COG5: variants seen among roughly 807,000 people sequenced by gnomAD.
COG5 encodes component of oligomeric golgi complex 5.
COG5 carries 86 observed loss-of-function variants against 110.4 expected under a neutral mutation model. The observed-to-expected ratio is 0.78, with a 90% CI of 0.65 to 0.93. The LOEUF is 0.93. Among genes scored for constraint, COG5 ranks in the 40% least tolerant of loss-of-function variants. The probability of loss-of-function intolerance (pLI) is 0.00; values close to 1 mark genes in which losing one functional copy is unlikely to be tolerated. For missense variants in COG5, 1,077 were observed against 987.0 expected, an observed-to-expected ratio of 1.09 and a Z score of -1.22; for synonymous variants, 360 against 334.6, an observed-to-expected ratio of 1.08 and a Z score of -0.83.
In COG5 at chr7:107,235,957, C is replaced by A. The variant is rs183883938; in HGVS notation, c.2091+493G>T. On this transcript the variant is annotated intron_variant, in intron 18 of 21. Transcript: ENST00000297135. ...AGGCTAGCCACAGAGAAGAACTGTA[C>A]TCTACCTGATAGAGAGAGAACAAAT... 9.5e-4 allele frequency among the ~76,000 whole-genome samples: 145 copies of A among 152,304 alleles called. 1 individual carries two copies. The highest frequency in any genetic ancestry group is 1.5e-4 in the Non-Finnish European group (10 of 68,018).
intron 21 of COG5, among the ~76,000 whole-genome samples, chr7:107,205,418 G>C (rs1362167142): frequency 6.6e-6 from 1 of 152,150 alleles, no homozygotes; most frequent in East Asian, 1.9e-4. Flanking sequence ...CAAATCATTA[G>C]TTTCCATTTT....
chr7:107,240,058 T>A (rs1298642528), intron 17 of COG5, among the ~76,000 whole-genome samples: 1 of 152,242 alleles, frequency 6.6e-6, no homozygotes, highest in East Asian at 1.9e-4. Context: ...TAATCAGATA[T>A]GAGTCACTTT....
intron 12 of COG5, among the ~76,000 whole-genome samples, chr7:107,297,668 C>T (rs1216216121): frequency 6.6e-6 from 1 of 151,924 alleles, no homozygotes; most frequent in Non-Finnish European, 1.5e-5. Flanking sequence ...AGGCTGGTCT[C>T]GAACTCCTGA....
chr7:107,287,015 C>T (rs74817899), intron 12 of COG5, among the ~76,000 whole-genome samples: 22 of 152,248 alleles, frequency 1.4e-4, no homozygotes, highest in African/African-American at 5.1e-4. Flanking sequence ...ATACGAGAAG[C>T]AGGATTGCTA....
intron 7 of COG5, among the ~76,000 whole-genome samples, chr7:107,376,694 G>A (rs1485578333): frequency 6.6e-6 from 1 of 151,918 alleles, no homozygotes; most frequent in Admixed American, 6.6e-5. Flanking sequence ...GTACTGCACT[G>A]AGTAGAAGAA....
chr7:107,268,183 G>T (rs1008892994), intron 14 of COG5, among the ~76,000 whole-genome samples: 3 of 152,052 alleles, frequency 2.0e-5, no homozygotes, highest in Non-Finnish European at 4.4e-5. Context: ...GGTCAGGCTG[G>T]TCTCAAACTC....
chr7:107,365,933 C>CACTA (rs1562991805), intron 8 of COG5, among the ~76,000 whole-genome samples: 1 of 152,010 alleles, frequency 6.6e-6, no homozygotes, highest in East Asian at 1.9e-4. Context: ...GCCATGCCTA[C>CACTA]ACTATTCTTC....
intron 14 of COG5, among the ~76,000 whole-genome samples, chr7:107,264,668 G>A (rs1209121192): frequency 3.9e-5 from 6 of 152,060 alleles, no homozygotes; most frequent in South Asian, 4.2e-4. Context: ...ACTCCAGCCC[G>A]AGCGACAGAT....
intron 5 of COG5, among the ~76,000 whole-genome samples, chr7:107,540,370 G>C (rs1801886625): frequency 6.6e-6 from 1 of 150,548 alleles, no homozygotes; most frequent in African/African-American, 2.4e-5. Context: ...CCAGGAGTTT[G>C]AAATCAGCCT....
At position 107,467,979 on chromosome 7, in the gene COG5, A is replaced by G. The variant is rs113084681; in HGVS notation, c.539-55347T>C. 5.6e-3 allele frequency among the ~76,000 whole-genome samples: 851 copies of G among 152,322 alleles called. 11 individuals are homozygous for G. Among genetic ancestry groups the G allele is most frequent in the African/African-American group, 0.02 (820 of 41,566 alleles). On this transcript the variant is annotated intron_variant, in intron 6 of 21. Coordinates refer to ENST00000297135, the MANE Select transcript of COG5 (RefSeq NM_006348.5). ...GAAATAATCTGAATATAACTTGAAA[A>G]CACTGTCTCACAAAGAGTTAAACAA...
intron 2 of COG5, among the ~76,000 whole-genome samples, chr7:107,556,782 T>G (rs1381556559): frequency 6.6e-6 from 1 of 152,048 alleles, no homozygotes; most frequent in Non-Finnish European, 1.5e-5. Flanking sequence ...TCTTTTTTTT[T>G]TTTTTGAGAC....
At chr7:107,561,547 C>T (rs1803773333) in intron 1 of COG5, among the ~76,000 whole-genome samples, 2 of 152,190 alleles carry the variant, frequency 1.3e-5, no homozygotes, top group Admixed American at 1.3e-4. Flanking sequence ...AAAAAAGTGT[C>T]CATTTGTCGT....
chr7:107,414,635 CACTG>C (rs996828810), intron 6 of COG5, among the ~76,000 whole-genome samples: 28 of 146,764 alleles, frequency 1.9e-4, no homozygotes, highest in Non-Finnish European at 3.7e-4. Context: ...TCTGGCTTCA[CACTG>C]ACTAACATGT....
intron 17 of COG5, among the ~76,000 whole-genome samples, chr7:107,240,849 A>G (rs2116489919): frequency 6.6e-6 from 1 of 152,354 alleles, no homozygotes; most frequent in African/African-American, 2.4e-5. Context: ...GCAGTGCTCC[A>G]TATGCCTGTA....
chr7:107,295,747 GC>G (rs1410434527), intron 12 of COG5, among the ~76,000 whole-genome samples: 1 of 152,030 alleles, frequency 6.6e-6, no homozygotes, highest in Non-Finnish European at 1.5e-5. Flanking sequence ...AAACACAGTA[GC>G]TTTTTTTACT....
intron 6 of COG5, among the ~76,000 whole-genome samples, chr7:107,484,378 T>A (rs1170414302): frequency 6.6e-6 from 1 of 152,190 alleles, no homozygotes; most frequent in African/African-American, 2.4e-5. Context: ...TTAATTTTTA[T>A]TTTAGGCTCT....
chr7:107,475,197 A>G, intron 6 of COG5: 1 of 1,611,976 alleles, frequency 6.2e-7, no homozygotes, highest in Non-Finnish European at 8.5e-7. Context: ...AGGTCTTGAA[A>G]AGTAAAATGA....
chr7:107,332,600 A>C (rs917893940), intron 10 of COG5, among the ~76,000 whole-genome samples: 1 of 152,172 alleles, frequency 6.6e-6, no homozygotes, highest in Admixed American at 6.5e-5. Flanking sequence ...AGAGGAGTGA[A>C]GTAAACATGG....
intron 6 of COG5, among the ~76,000 whole-genome samples, chr7:107,523,976 T>C (rs977216164): frequency 9.2e-5 from 14 of 152,168 alleles, no homozygotes; most frequent in African/African-American, 3.1e-4. Flanking sequence ...TACAAAGACT[T>C]GTACATGAAT....
Sources: gnomAD v4.1 joint callset for allele counts (sites outside exome capture counted in the v4.1 genomes callset) on GRCh38, gnomAD v4.1.1 for gene constraint, MANE v1.5 for transcripts, NCBI Gene and HGNC (gene_info 2026-07-23, HGNC 2026-07-21) for gene names.